CERS6: variants seen among roughly 807,000 people sequenced by gnomAD.
CERS6 encodes LAG1 homolog, ceramide synthase 6.
A neutral mutation model predicts 56.8 loss-of-function variants in CERS6; 26 were observed. That is an observed-to-expected ratio of 0.46 (90% CI 0.34 to 0.63). The LOEUF (loss-of-function observed/expected upper bound fraction) is 0.63, where lower values mean the gene tolerates loss of function less well. CERS6 is among the 30% of genes least tolerant of loss of function. The pLI is 0.01. For missense variants in CERS6, 415 were observed against 467.5 expected (o/e 0.89, Z 1.04); for synonymous variants, 164 against 173.3 (o/e 0.95, Z 0.42).
chr2:168,599,277 T>C (rs1262473892), intron 3 of CERS6, among the ~76,000 whole-genome samples: 1 of 152,176 alleles, frequency 6.6e-6, no homozygotes, highest in Non-Finnish European at 1.5e-5. Flanking sequence ...ACATCCTATT[T>C]CTCACTCCTT....
intron 4 of CERS6, among the ~76,000 whole-genome samples, chr2:168,648,910 A>G (rs937383999): frequency 6.6e-6 from 1 of 152,146 alleles, no homozygotes; most frequent in African/African-American, 2.4e-5. Flanking sequence ...ATGACCAATT[A>G]TATGGCCAAC....
At chr2:168,738,539 C>A (rs1574206886) in intron 8 of CERS6, among the ~76,000 whole-genome samples, 1 of 152,142 alleles carries the variant, frequency 6.6e-6, no homozygotes, top group Non-Finnish European at 1.5e-5. Flanking sequence ...CATACTGTTA[C>A]CTCTCATTCC....
chr2:168,474,014 C>T (rs1295014821), intron 1 of CERS6, among the ~76,000 whole-genome samples: 1 of 152,124 alleles, frequency 6.6e-6, no homozygotes, highest in African/African-American at 2.4e-5. Context: ...GCTATGATTG[C>T]ACCTGTGAAT....
At chr2:168,530,986 G>A (rs909854771) in intron 1 of CERS6, among the ~76,000 whole-genome samples, 7 of 152,100 alleles carry the variant, frequency 4.6e-5, no homozygotes, top group Non-Finnish European at 1.0e-4. Flanking sequence ...CACTGTCTAA[G>A]GGTCTTTTCC....
At chr2:168,472,625 AAAGT>A (rs1693998238) in intron 1 of CERS6, among the ~76,000 whole-genome samples, 1 of 152,216 alleles carries the variant, frequency 6.6e-6, no homozygotes, top group Non-Finnish European at 1.5e-5. Flanking sequence ...AGAATGTGAG[AAAGT>A]AAGAGAAAGG....
intron 2 of CERS6, among the ~76,000 whole-genome samples, chr2:168,555,033 G>A (rs1695650736): frequency 6.6e-6 from 1 of 151,962 alleles, no homozygotes; most frequent in Admixed American, 6.6e-5. Flanking sequence ...ATATAAAATA[G>A]AATATAGAAA....
intron 4 of CERS6, among the ~76,000 whole-genome samples, chr2:168,658,896 T>G (rs987369170): frequency 2.4e-4 from 36 of 152,296 alleles, no homozygotes; most frequent in African/African-American, 7.5e-4. Context: ...CTTCTGTGAG[T>G]TACATTTGGC....
chr2:168,707,506 T>C (rs1686987310), intron 6 of CERS6, among the ~76,000 whole-genome samples: 1 of 152,196 alleles, frequency 6.6e-6, no homozygotes, highest in African/African-American at 2.4e-5. Context: ...GTGCATAGGC[T>C]ATACATAAGA....
intron 6 of CERS6, among the ~76,000 whole-genome samples, chr2:168,697,355 GTATGTC>G (rs1428718635): frequency 1.3e-5 from 2 of 152,122 alleles, no homozygotes; most frequent in Non-Finnish European, 2.9e-5. Flanking sequence ...TTTAGTGATG[GTATGTC>G]AAGGGAATCT....
At chr2:168,660,684 G>A (rs983714340) in intron 4 of CERS6, among the ~76,000 whole-genome samples, 1 of 150,218 alleles carries the variant, frequency 6.7e-6, no homozygotes, top group African/African-American at 2.4e-5. Flanking sequence ...CATTATCTTT[G>A]GATATCCATT....
At chr2:168,689,295 C>A (rs1427431653) in intron 4 of CERS6, among the ~76,000 whole-genome samples, 1 of 152,136 alleles carries the variant, frequency 6.6e-6, no homozygotes, top group Admixed American at 6.5e-5. Context: ...CAATAACTAA[C>A]ATTTGTACTT....
intron 4 of CERS6, among the ~76,000 whole-genome samples, chr2:168,647,459 A>G (rs1190548320): frequency 1.3e-5 from 2 of 152,316 alleles, no homozygotes; most frequent in East Asian, 3.9e-4. Context: ...GTTGTCTGCA[A>G]ACAGAGATAC....
intron 8 of CERS6, among the ~76,000 whole-genome samples, chr2:168,743,986 CTTTTTTTTCTT>C (rs1271072916): frequency 4.5e-3 from 266 of 59,690 alleles, no homozygotes; most frequent in Non-Finnish European, 5.5e-3. Flanking sequence ...TTTCTTTTTT[CTTTTTTTTCTT>C]TTTTTTTTTT....
intron 4 of CERS6, among the ~76,000 whole-genome samples, chr2:168,639,096 AT>A (rs1684929139): frequency 6.6e-6 from 1 of 152,170 alleles, no homozygotes; most frequent in South Asian, 2.1e-4. Context: ...CTTAAATATG[AT>A]TTTCATTATT....
chr2:168,599,024 T>C (rs1247383233), intron 3 of CERS6, among the ~76,000 whole-genome samples: 3 of 152,244 alleles, frequency 2.0e-5, no homozygotes, highest in Non-Finnish European at 2.9e-5. Context: ...CAAGGAACTT[T>C]CGTGAGCATT....
chr2:168,740,051 G>A (rs1270312680), intron 8 of CERS6, among the ~76,000 whole-genome samples: 1 of 152,074 alleles, frequency 6.6e-6, no homozygotes, highest in Non-Finnish European at 1.5e-5. Flanking sequence ...GGTCCAATTA[G>A]GAGCTGATGT....
At chr2:168,555,526 TA>T (rs1223717657) in intron 2 of CERS6, among the ~76,000 whole-genome samples, 1 of 151,914 alleles carries the variant, frequency 6.6e-6, no homozygotes, top group African/African-American at 2.4e-5. Flanking sequence ...TTAACTTATA[TA>T]AAAAAATTAA....
At chr2:168,661,791 C>G (rs1424305943) in intron 4 of CERS6, among the ~76,000 whole-genome samples, 1 of 152,194 alleles carries the variant, frequency 6.6e-6, no homozygotes, top group African/African-American at 2.4e-5. Flanking sequence ...TGCCTGGCTC[C>G]CGGGCTCCCC....
chr2:168,599,261 C>A (rs1683876602), intron 3 of CERS6, among the ~76,000 whole-genome samples: 1 of 152,114 alleles, frequency 6.6e-6, no homozygotes, highest in South Asian at 2.1e-4. Flanking sequence ...TCCCCCCAAT[C>A]CTCTCACATC....
Sources: gnomAD v4.1 joint callset for allele counts (sites outside exome capture counted in the v4.1 genomes callset) on GRCh38, gnomAD v4.1.1 for gene constraint, MANE v1.5 for transcripts, NCBI Gene and HGNC (gene_info 2026-07-23, HGNC 2026-07-21) for gene names.